COMP: variants seen among roughly 807,000 people sequenced by gnomAD.
COMP encodes cartilage oligomeric matrix protein (pseudoachondroplasia, epiphyseal dysplasia 1, multiple).
COMP carries 79 observed loss-of-function variants against 95.8 expected under a neutral mutation model. The observed-to-expected ratio is 0.82, with a 90% CI of 0.69 to 0.99. The LOEUF (loss-of-function observed/expected upper bound fraction) is 0.99. COMP is among the 50% of genes least tolerant of loss of function. The pLI, the probability that COMP is intolerant of heterozygous loss-of-function variation, is 0.00. For missense variants in COMP, 906 were observed against 1,076.1 expected (o/e 0.84, Z 2.21); for synonymous variants, 438 against 433.9 (o/e 1.01, Z -0.12).
At chr19:18,783,653 A>T (rs182225907) in intron 17 of COMP, among the ~76,000 whole-genome samples, 109 of 144,904 alleles carry the variant, frequency 7.5e-4, no homozygotes, top group Non-Finnish European at 5.8e-4. Flanking sequence ...CTTGTCACCC[A>T]TGCTGGAGTG....
Position 18,791,252 on chromosome 19 carries a change from G to A in COMP, c.18C>T (p.Ala6=). The A allele has an allele frequency of 6.3e-7, 1 of 1,597,686 alleles. No homozygotes were observed. Residue 6 remains alanine (A), a synonymous_variant, in exon 1 of 19, where the codon GCC becomes GCT. Transcript: ENST00000222271. MVPDT[A]CVLLLTLAAL... is the part of the protein sequence containing the mutation. Reference sequence around the variant, plus strand: ...CAGCCAGGGTGAGCAGAAGAACGCAGGCGGTGTCGGGGACCATGGCGGTGG... The same window carrying A: ...CAGCCAGGGTGAGCAGAAGAACGCAAGCGGTGTCGGGGACCATGGCGGTGG...
In COMP at chr19:18,788,333, C is replaced by T; in HGVS notation, c.868-14G>A. ...CACGCAGTTGTCCTGGGGGCGGGCA[C>T]AGAAGGTGTGAGGGGCGCGGTCATG... On this transcript the variant is annotated splice_polypyrimidine_tract_variant and intron_variant, in intron 8 of 18. Transcript: ENST00000222271. The surrounding 1 kb of genome is among the most constrained non-coding windows in gnomAD (Gnocchi z 4.7). 3 of 1,609,798 alleles carry T rather than the reference C, an allele frequency of 1.9e-6. No homozygotes were observed. The highest frequency in any genetic ancestry group is 1.7e-6 in the Non-Finnish European group (2 of 1,179,528).
At position 18,784,916 on chromosome 19, in the gene COMP, C is replaced by T. The variant is rs144170209; in HGVS notation, c.1894G>A (p.Glu632Lys). 327 of 1,613,740 alleles carry T rather than the reference C, an allele frequency of 2.0e-4. No individual in the cohort carries two copies. Among genetic ancestry groups the T allele is most frequent in the Non-Finnish European group, 2.5e-4 (300 of 1,179,974 alleles). The stretch of plus-strand genomic sequence containing the variant: ...GGCACCTTGAGTTGGATGCCAGGCT[C>T]GGCCACAGCACGGAAGGGGTTCGCC... ...WQANPFRAVA[E>K]PGIQLKAVKS... is the part of the protein sequence containing the mutation. Residue 632 changes from glutamate to lysine, a missense_variant, in exon 16 of 19, where the codon GAG becomes AAG. Physicochemically the swap from Glu to Lys is moderately conservative, Grantham distance 56 (BLOSUM62 1). Transcript: ENST00000222271. This position sits in a 1 kb window ranked among gnomAD's most constrained non-coding sequence, Gnocchi z 4.9.
rs747845826 is a variant in COMP at position 18,785,806 on chromosome 19, T to C, written c.1535A>G (p.Lys512Arg). ...DVCQDDFDAD[K>R]VVDKIDVCPE... ...ACACACGTCGATCTTGTCTACCACC[T>C]TGTCTGCATCAAAGTCGTCCTGGCA... Residue 512 changes from lysine (K) to arginine (R), a missense_variant, in exon 14 of 19, where the codon AAG (lysine) becomes AGG (arginine). Transcript: ENST00000222271. 22 of 1,612,904 alleles carry C rather than the reference T, an allele frequency of 1.4e-5. 1 individual carries two copies. The highest frequency in any genetic ancestry group is 1.8e-5 in the Non-Finnish European group (21 of 1,180,016).
chr19:18,788,791 G>C lies in COMP; in HGVS notation c.604-41C>G, dbSNP rs763215356. ...CGGAGGTCAGCGCAGGCCGCCCGCCGCTCGCCCCACCTCCCGCGATCCTTT... is the reference window on the plus strand; with the variant it reads ...CGGAGGTCAGCGCAGGCCGCCCGCCCCTCGCCCCACCTCCCGCGATCCTTT... On this transcript the variant is annotated intron_variant, in intron 6 of 18. Transcript: ENST00000222271. This position sits in a 1 kb window ranked among gnomAD's most constrained non-coding sequence, Gnocchi z 4.7. 5 of 1,607,996 alleles carry C rather than the reference G, an allele frequency of 3.1e-6. No homozygotes were observed. Among genetic ancestry groups the C allele is most frequent in the Non-Finnish European group, 4.2e-6 (5 of 1,177,722 alleles).
At chr19:18,787,133 C>A (rs1451770366) in intron 10 of COMP, 4 of 423,178 alleles carry the variant, frequency 9.5e-6, no homozygotes, top group South Asian at 2.2e-5. Flanking sequence ...GACGGGCTCT[C>A]ACTCCCAGGG....
rs1377588678 is a variant in COMP at position 18,788,639 on chromosome 19, CGTG to C, written c.712_714del (p.His238del). 13 of 1,547,254 alleles carry C rather than the reference CGTG, an allele frequency of 8.4e-6. No homozygotes were observed. The highest frequency in any genetic ancestry group is 2.0e-5 in the Admixed American group (1 of 50,986). ...CGCTCTAGGACGCAGTCTGCATGCTCGTGGCACTCGCTGGGCGAGCCGTCGGGG... is the reference window on the plus strand; with the variant it reads ...CGCTCTAGGACGCAGTCTGCATGCTCGCACTCGCTGGGCGAGCCGTCGGGG... On this transcript the variant is annotated inframe_deletion, in exon 7 of 19. Transcript: ENST00000222271. The surrounding 1 kb of genome is among the most constrained non-coding windows in gnomAD (Gnocchi z 4.7).
intron 1 of COMP, 104 bp from the exon 2 acceptor site, chr19:18,791,039 C>T (rs918384937): frequency 6.6e-6 from 10 of 1,514,670 alleles, no homozygotes; most frequent in African/African-American, 5.5e-5. Context: ...CACTGCGCTC[C>T]TCTAGTCTCG....
Position 18,784,878 on chromosome 19 carries a change from C to T in COMP, c.1914+18G>A, listed in dbSNP as rs1253679531. On this transcript the variant is annotated intron_variant, in intron 16 of 18. Transcript: ENST00000222271. This position sits in a 1 kb window ranked among gnomAD's most constrained non-coding sequence, Gnocchi z 4.9. ...GGGCATGAGGACCGCAGAGGTCAGGCACGGACGGCCCTGGCACCTTGAGTT... is the reference window on the plus strand; with the variant it reads ...GGGCATGAGGACCGCAGAGGTCAGGTACGGACGGCCCTGGCACCTTGAGTT... 1 of 1,612,922 alleles carries T rather than the reference C, an allele frequency of 6.2e-7. No individual in the cohort carries two copies. Among genetic ancestry groups the T allele is most frequent in the South Asian group, 1.1e-5 (1 of 91,060 alleles).
intron 2 of COMP, 53 bp downstream of exon 2, chr19:18,790,797 T>G: frequency 6.4e-7 from 1 of 1,565,008 alleles, no homozygotes; most frequent in Admixed American, 1.9e-5. Flanking sequence ...CGCTGGGAAC[T>G]GAGACCCCCT....
intron 14 of COMP, 40 bp downstream of exon 14, chr19:18,785,633 T>A: frequency 1.2e-6 from 2 of 1,613,402 alleles, no homozygotes; most frequent in Non-Finnish European, 1.7e-6. Flanking sequence ...CTGTGGGGGT[T>A]CTAGGGTCCC....
In COMP at chr19:18,788,766, C is replaced by T; in HGVS notation, c.604-16G>A. On this transcript the variant is annotated splice_polypyrimidine_tract_variant and intron_variant, in intron 6 of 18. Coordinates refer to ENST00000222271, the MANE Select transcript of COMP (RefSeq NM_000095.3). The surrounding 1 kb of genome is among the most constrained non-coding windows in gnomAD (Gnocchi z 4.7). Reference sequence around the variant, plus strand: ...GGAAGGAGCCCTGCGCCGGAGCCGCCGGAGGTCAGCGCAGGCCGCCCGCCG... The same window carrying T: ...GGAAGGAGCCCTGCGCCGGAGCCGCTGGAGGTCAGCGCAGGCCGCCCGCCG... 3 of 1,594,622 alleles carry T rather than the reference C, an allele frequency of 1.9e-6. No homozygotes were observed. Among genetic ancestry groups the T allele is most frequent in the Non-Finnish European group, 2.6e-6 (3 of 1,170,600 alleles).
rs891230032 is a variant in COMP, at chr19:18,790,212, T to C, written c.218-98A>G. 404 of 855,220 alleles carry C rather than the reference T, an allele frequency of 4.7e-4. No individual in the cohort carries two copies. The African/African-American group carries it at 6.9e-3, about 15-fold the overall frequency. The allele number at this position is 855,220 out of a possible 1,614,324, so 53.0% of individuals were successfully genotyped here. ...CGCCCCGGGGCTGGAGGCTTCCCCT[T>C]CCCCCCCACCCCCCGCCCCGGGGCG... is the stretch of plus-strand genomic sequence containing the variant. On this transcript the variant is annotated intron_variant, in intron 3 of 18. Transcript: ENST00000222271.
At chr19:18,790,996 C>T in intron 1 of COMP, 61 bp from the exon 2 acceptor site, 1 of 1,541,476 alleles carries the variant, frequency 6.5e-7, no homozygotes, top group South Asian at 1.2e-5. Flanking sequence ...CACCAACTCC[C>T]ACCGTTGCAG....
chr19:18,785,551 T>C lies in COMP; in HGVS notation c.1669-5A>G. 2 of 1,614,044 alleles carry C rather than the reference T, an allele frequency of 1.2e-6. No individual in the cohort carries two copies. Among genetic ancestry groups the C allele is most frequent in the Non-Finnish European group, 1.7e-6 (2 of 1,180,028 alleles). ...TGTCTGCACGATCTCCCTTCCCTGATGGGGTCAAAGAAAGGAGGGCCTCAG... is the reference window on the plus strand; with the variant it reads ...TGTCTGCACGATCTCCCTTCCCTGACGGGGTCAAAGAAAGGAGGGCCTCAG... On this transcript the variant is annotated splice_polypyrimidine_tract_variant and splice_region_variant and intron_variant, in intron 14 of 18. Transcript: ENST00000222271.
In COMP at chr19:18,784,643, G is replaced by A. The variant is rs1307561911; in HGVS notation, c.1914+253C>T. ...CTCTGCAGAAGGACTTGGAAACTAAGGAAAAGTTTAGGGCTGTGTGAGAGG... is the reference window on the plus strand; with the variant it reads ...CTCTGCAGAAGGACTTGGAAACTAAAGAAAAGTTTAGGGCTGTGTGAGAGG... On this transcript the variant is annotated intron_variant, in intron 16 of 18. Transcript: ENST00000222271. This position sits in a 1 kb window ranked among gnomAD's most constrained non-coding sequence, Gnocchi z 4.9. Among the ~76,000 whole-genome samples, 1 of 152,120 alleles carries A rather than the reference G, an allele frequency of 6.6e-6. No homozygotes were observed. The highest frequency in any genetic ancestry group is 2.4e-5 in the African/African-American group (1 of 41,406).
rs2055198103 is a variant in COMP at position 18,789,834 on chromosome 19, C to T, written c.390+108G>A. ...GCCGTGCGCCCCCGGAGGTGAGAGG[C>T]TCTTCGGGGCGAACACTCCCAGTGG... On this transcript the variant is annotated intron_variant, in intron 4 of 18. Coordinates refer to ENST00000222271, the MANE Select transcript of COMP (RefSeq NM_000095.3). This position sits in a 1 kb window ranked among gnomAD's most constrained non-coding sequence, Gnocchi z 6.1. 1 of 1,360,856 alleles carries T rather than the reference C, an allele frequency of 7.3e-7. No homozygotes were observed. The highest frequency in any genetic ancestry group is 1.0e-6 in the Non-Finnish European group (1 of 985,316). The allele number at this position is 1,360,856 out of a possible 1,614,324, so 84.3% of individuals were successfully genotyped here.
Position 18,789,661 on chromosome 19 carries a change from G to T in COMP, c.390+281C>A, listed in dbSNP as rs2055196717. On this transcript the variant is annotated intron_variant, in intron 4 of 18. Coordinates refer to ENST00000222271, the MANE Select transcript of COMP (RefSeq NM_000095.3). This position sits in a 1 kb window ranked among gnomAD's most constrained non-coding sequence, Gnocchi z 6.1. ...ACTGGCGATCCCCTGCGGCGAGGAG[G>T]GTAGCTGGGGCGGACCACCCCTGGC... 6.6e-6 allele frequency among the ~76,000 whole-genome samples: 1 copy of T among 151,622 alleles called. No homozygotes were observed. Among genetic ancestry groups the T allele is most frequent in the African/African-American group, 2.4e-5 (1 of 41,252 alleles).
At position 18,785,961 on chromosome 19, in the gene COMP, G is replaced by A. The variant is rs1299836611; in HGVS notation, c.1489+4C>T. 2.6e-6 allele frequency: 4 copies of A among 1,531,306 alleles called. No individual in the cohort carries two copies. Among genetic ancestry groups the A allele is most frequent in the African/African-American group, 1.4e-5 (1 of 72,188 alleles). 94.9% of individuals were successfully genotyped at this position (1,531,306 alleles called of 1,614,324 possible). ...CCCCACCGCAGGCCCCGCCCCCGCC[G>A]TACTGTCCGCGTCCTCCTGGCCGGG... On this transcript the variant is annotated splice_donor_region_variant and intron_variant, in intron 13 of 18. Coordinates refer to ENST00000222271, the MANE Select transcript of COMP (RefSeq NM_000095.3).
Sources: gnomAD v4.1 joint callset for allele counts (sites outside exome capture counted in the v4.1 genomes callset) on GRCh38, gnomAD v4.1.1 for gene constraint, Gnocchi (gnomAD v3.1) non-coding constraint, MANE v1.5 for transcripts, NCBI Gene and HGNC (gene_info 2026-07-23, HGNC 2026-07-21) for gene names.